The following PDE4D variants were observed in gnomAD, a reference collection of about 807,000 sequenced individuals.
The protein encoded by PDE4D is phosphodiesterase 4D, also known as 3',5'-cyclic-AMP phosphodiesterase 4D.
PDE4D carries 24 observed loss-of-function variants against 87.4 expected under a neutral mutation model. That is an observed-to-expected ratio of 0.27 (90% CI 0.20 to 0.39). The LOEUF (loss-of-function observed/expected upper bound fraction) is 0.39. Among genes scored for constraint, PDE4D ranks in the 10% least tolerant of loss-of-function variants. The pLI, the probability that PDE4D is intolerant of heterozygous loss-of-function variation, is 1.00. For synonymous variants in PDE4D, 384 were observed against 383.2 expected (o/e 1.00, Z -0.02); for missense variants, 714 against 1,041.0 (o/e 0.69, Z 4.32).
At chr5:59,592,567 C>T (rs1400067283) in intron 1 of PDE4D, among the ~76,000 whole-genome samples, 1 of 152,054 alleles carries the variant, frequency 6.6e-6, no homozygotes, top group Non-Finnish European at 1.5e-5. Flanking sequence ...TCATACTCCT[C>T]AAGGTTAAAT....
At chr5:59,771,458 A>AAAGAAAGAAAGAAAGAAAGAGAGAG (rs1763460091) in intron 1 of PDE4D, among the ~76,000 whole-genome samples, 2 of 78,952 alleles carry the variant, frequency 2.5e-5, no homozygotes, top group African/African-American at 1.2e-4. Context: ...AGAAAGAAAG[A>AAAGAAAGAAAGAAAGAAAGAGAGAG]AAGAAAGAAA....
chr5:59,803,081 G>A (rs1767327339), intron 1 of PDE4D, among the ~76,000 whole-genome samples: 2 of 152,134 alleles, frequency 1.3e-5, no homozygotes, highest in Non-Finnish European at 1.5e-5. Context: ...ATTCCAAGGA[G>A]TTTAAAAACG....
chr5:59,319,737 T>C (rs1192953928), intron 1 of PDE4D, among the ~76,000 whole-genome samples: 1 of 152,176 alleles, frequency 6.6e-6, no homozygotes, highest in African/African-American at 2.4e-5. Context: ...TTTATAATAC[T>C]TATACATGCA....
intron 3 of PDE4D, among the ~76,000 whole-genome samples, chr5:59,961,659 T>TGTTAGATG (rs1432669783): frequency 1.1e-4 from 16 of 152,096 alleles, no homozygotes; most frequent in African/African-American, 3.9e-4. Flanking sequence ...ATATGTAGTG[T>TGTTAGATG]GTTAGATGGT....
At chr5:60,015,182 C>T (rs1765391069) in intron 2 of PDE4D, among the ~76,000 whole-genome samples, 1 of 151,950 alleles carries the variant, frequency 6.6e-6, no homozygotes, top group Admixed American at 6.6e-5. Flanking sequence ...TTAAATATAC[C>T]CAATTTAGAT....
intron 1 of PDE4D, among the ~76,000 whole-genome samples, chr5:59,232,859 A>G (rs1183486920): frequency 6.6e-6 from 1 of 152,012 alleles, no homozygotes; most frequent in Non-Finnish European, 1.5e-5. Flanking sequence ...ATGGAATACT[A>G]TGCAGTCATA....
At chr5:59,259,852 G>T (rs1373510269) in intron 1 of PDE4D, among the ~76,000 whole-genome samples, 1 of 151,756 alleles carries the variant, frequency 6.6e-6, no homozygotes, top group African/African-American at 2.4e-5. Flanking sequence ...CTATTAGTCA[G>T]AAATTCACAT....
At chr5:59,992,341 T>C (rs1008105236) in intron 2 of PDE4D, among the ~76,000 whole-genome samples, 12 of 152,200 alleles carry the variant, frequency 7.9e-5, no homozygotes, top group African/African-American at 2.7e-4. Flanking sequence ...ATTGGCTTCC[T>C]TGCTCCTCAG....
intron 2 of PDE4D, among the ~76,000 whole-genome samples, chr5:60,161,056 A>T (rs774693154): frequency 7.2e-5 from 11 of 152,224 alleles, no homozygotes; most frequent in Non-Finnish European, 1.6e-4. Context: ...TAATTGACAT[A>T]GAATTTTCTA....
chr5:60,109,038 C>T (rs571657532), intron 2 of PDE4D, among the ~76,000 whole-genome samples: 1 of 152,050 alleles, frequency 6.6e-6, no homozygotes, highest in Admixed American at 6.5e-5. Context: ...AGAGCTTCTG[C>T]ACAGCAAAAG....
chr5:59,043,097 T>G (rs1376283591), intron 5 of PDE4D, among the ~76,000 whole-genome samples: 3 of 152,230 alleles, frequency 2.0e-5, no homozygotes, highest in Non-Finnish European at 2.9e-5. Context: ...CTTGAAGGTC[T>G]GCTAAAGGAC....
At chr5:60,000,700 A>G (rs756678143) in intron 2 of PDE4D, among the ~76,000 whole-genome samples, 4 of 152,216 alleles carry the variant, frequency 2.6e-5, no homozygotes, top group Non-Finnish European at 4.4e-5. Flanking sequence ...CTGGTATAGA[A>G]CTTAATTATA....
At chr5:59,740,635 G>T (rs1219767072) in intron 1 of PDE4D, among the ~76,000 whole-genome samples, 1 of 152,130 alleles carries the variant, frequency 6.6e-6, no homozygotes, top group East Asian at 1.9e-4. Context: ...CCCAATTGTG[G>T]AATTAAATAT....
chr5:59,864,323 G>A (rs1459422342), intron 1 of PDE4D, among the ~76,000 whole-genome samples: 1 of 152,144 alleles, frequency 6.6e-6, no homozygotes, highest in Non-Finnish European at 1.5e-5. Context: ...GACAATTTTT[G>A]CAATTGAAAT....
At chr5:60,057,316 T>C (rs1770887569) in intron 2 of PDE4D, among the ~76,000 whole-genome samples, 1 of 152,090 alleles carries the variant, frequency 6.6e-6, no homozygotes, top group Non-Finnish European at 1.5e-5. Context: ...TGTTAGGATG[T>C]ATTTATCTTT....
intron 1 of PDE4D, among the ~76,000 whole-genome samples, chr5:59,546,270 A>T: frequency 6.6e-6 from 1 of 152,160 alleles, no homozygotes; most frequent in Non-Finnish European, 1.5e-5. Flanking sequence ...GCAGCTACAA[A>T]ATATAATTTT....
chr5:60,077,861 T>A (rs1235115793), intron 2 of PDE4D, among the ~76,000 whole-genome samples: 2 of 152,178 alleles, frequency 1.3e-5, no homozygotes, highest in African/African-American at 4.8e-5. Flanking sequence ...GGATCGCTCC[T>A]GGCCTGTTCA....
chr5:60,268,647 C>T (rs1386458745), intron 1 of PDE4D, among the ~76,000 whole-genome samples: 1 of 152,206 alleles, frequency 6.6e-6, no homozygotes, highest in Non-Finnish European at 1.5e-5. Flanking sequence ...TCCTCTGGGT[C>T]CACCATCATC....
chr5:60,359,457 C>G (rs561110104), intron 1 of PDE4D, among the ~76,000 whole-genome samples: 2 of 152,114 alleles, frequency 1.3e-5, no homozygotes, highest in Admixed American at 1.3e-4. Context: ...GTTATAAGAA[C>G]AAGGCACCTT....
Sources: gnomAD v4.1 joint callset for allele counts (sites outside exome capture counted in the v4.1 genomes callset) on GRCh38, gnomAD v4.1.1 for gene constraint, MANE v1.5 for transcripts, NCBI Gene and HGNC (gene_info 2026-07-23, HGNC 2026-07-21) for gene names.